FBXW12: variants seen among roughly 807,000 people sequenced by gnomAD.
FBXW12 encodes the protein F-box/WD repeat-containing protein 12.
A neutral mutation model predicts 55.3 loss-of-function variants in FBXW12; 43 were observed. That is an observed-to-expected ratio of 0.78 (90% CI 0.61 to 1.00). FBXW12 has a LOEUF of 1.00. Ranked by LOEUF, FBXW12 falls within the 50% of genes least tolerant of loss-of-function variation. FBXW12 has a pLI of 0.00. For synonymous variants in FBXW12, 184 were observed against 203.8 expected, an observed-to-expected ratio of 0.90 and a Z score of 0.83; for missense variants, 524 against 560.5, an observed-to-expected ratio of 0.93 and a Z score of 0.66.
At chr3:48,382,122 A>G (rs373876344) in intron 10 of FBXW12, 37 bp downstream of exon 10, 3 of 1,605,684 alleles carry the variant, frequency 1.9e-6, no homozygotes, top group African/African-American at 2.7e-5. Context: ...TCCCCTAAAC[A>G]ACTTTTTTTT....
chr3:48,381,663 G>T, intron 8 of FBXW12, 37 bp from the exon 9 acceptor site: 1 of 1,505,820 alleles, frequency 6.6e-7, no homozygotes, highest in South Asian at 1.4e-5. Flanking sequence ...TTCCTTATGT[G>T]TGTGTGTATA....
intron 5 of FBXW12, among the ~76,000 whole-genome samples, chr3:48,376,524 T>A (rs375361546): frequency 1.3e-5 from 2 of 152,286 alleles, no homozygotes; most frequent in African/African-American, 4.8e-5. Context: ...GTGGCTTTTG[T>A]CTAATGGTAT....
At position 48,372,881 on chromosome 3, in the gene FBXW12, GC is replaced by G. The variant is rs753712498; in HGVS notation, c.90+30del. ...AGGTAAAGGCCTTCCACCTCCCACT[GC>G]CCCCCAAGCCCGCTGCTTCTCTCGA... On this transcript the variant is annotated intron_variant, in intron 2 of 10. Coordinates refer to ENST00000296438, the MANE Select transcript of FBXW12 (RefSeq NM_207102.2). 5.6e-6 allele frequency: 9 copies of G among 1,602,766 alleles called. No homozygotes were observed. In the African/African-American group the frequency reaches 6.7e-5, roughly 12 times the overall value.
At chr3:48,383,138 A>G (rs1208962018) in intron 10 of FBXW12, among the ~76,000 whole-genome samples, 1 of 152,238 alleles carries the variant, frequency 6.6e-6, no homozygotes, top group Non-Finnish European at 1.5e-5. Context: ...TGAGGCAAAA[A>G]TACTTTAAAT....
chr3:48,381,134 C>T (rs931121524), intron 8 of FBXW12, among the ~76,000 whole-genome samples: 2 of 151,866 alleles, frequency 1.3e-5, no homozygotes, highest in African/African-American at 2.4e-5. Context: ...GACATTCTCC[C>T]GCCTCAGCCT....
chr3:48,372,825 T>C lies in FBXW12; in HGVS notation c.58T>C (p.Phe20Leu). The C allele has an allele frequency of 1.2e-6, 2 of 1,614,198 alleles. No homozygotes were observed. The highest frequency in any genetic ancestry group is 2.2e-5 in the South Asian group (2 of 91,084). The change falls in exon 2 of 11, where the codon TTC becomes CTC. Residue 20 changes from phenylalanine (F) to leucine (L), a missense_variant. Phe to Leu is a conservative substitution (Grantham distance 22). Transcript: ENST00000296438. Reference sequence around the variant, plus strand: ...GCGAATCTTCTCTTTCCTGGACCTGTTCGGCTTGCTGCAGGTTTCCCAGGT... The same window carrying C: ...GCGAATCTTCTCTTTCCTGGACCTGCTCGGCTTGCTGCAGGTTTCCCAGGT... ...LKRIFSFLDL[F>L]GLLQVSQVNK...
chr3:48,381,093 G>T (rs965417047), intron 8 of FBXW12, among the ~76,000 whole-genome samples, 181 bp downstream of exon 8: 5 of 150,264 alleles, frequency 3.3e-5, no homozygotes, highest in African/African-American at 9.8e-5. Flanking sequence ...CACAATCTCG[G>T]CTCACTGCAA....
At position 48,373,622 on chromosome 3, in the gene FBXW12, T is replaced by A. The variant is rs2036635948; in HGVS notation, c.203T>A (p.Phe68Tyr). 1.9e-6 allele frequency: 3 copies of A among 1,614,052 alleles called. No homozygotes were observed. Among genetic ancestry groups the A allele is most frequent in the Admixed American group, 1.7e-5 (1 of 60,014 alleles). The stretch of plus-strand genomic sequence containing the variant: ...CTGGGCACACACACATGGAAGCAAT[T>A]TTTCCTGCATCAAAGAAGGAAGGAG... ...QHLGTHTWKQ[F>Y]FLHQRRKELR... Residue 68 changes from phenylalanine to tyrosine, a missense_variant, in exon 4 of 11, where the codon TTT becomes TAT. Transcript: ENST00000296438.
At chr3:48,390,481 C>G (rs907475360) in intron 10 of FBXW12, among the ~76,000 whole-genome samples, 2 of 121,540 alleles carry the variant, frequency 1.6e-5, no homozygotes, top group African/African-American at 6.4e-5. Flanking sequence ...GTGGTACAAT[C>G]TTGGCTCGTT....
At chr3:48,377,699 C>T (rs954692082) in intron 5 of FBXW12, among the ~76,000 whole-genome samples, 6 of 152,106 alleles carry the variant, frequency 3.9e-5, no homozygotes, top group African/African-American at 9.7e-5. Context: ...CATTTGGGTG[C>T]GGAGAGCCAT....
intron 10 of FBXW12, among the ~76,000 whole-genome samples, chr3:48,385,948 C>A (rs567875215): frequency 2.0e-5 from 3 of 152,230 alleles, no homozygotes; most frequent in East Asian, 3.9e-4. Context: ...CAAATATTTT[C>A]TCCCATTCCA....
rs2036668171 is a variant in FBXW12 at position 48,375,388 on chromosome 3, T to C, written c.321T>C (p.Asn107=). 3.1e-6 allele frequency: 5 copies of C among 1,612,472 alleles called. No homozygotes were observed. The highest frequency in any genetic ancestry group is 4.2e-6 in the Non-Finnish European group (5 of 1,179,358). ...FETELAYLSG[N]RLTVDEQEKS... ...CGGAGTTGGCTTATCTCTCAGGAAA[T>C]AGACTTACAGTGGATGAACAGGAGA... The change falls in exon 5 of 11, where the codon AAT becomes AAC. Residue 107 remains asparagine, a synonymous_variant. Transcript: ENST00000296438.
Position 48,380,795 on chromosome 3 carries a change from A to G in FBXW12, c.868A>G (p.Thr290Ala), listed in dbSNP as rs1435380828. 2 of 1,614,096 alleles carry G rather than the reference A, an allele frequency of 1.2e-6. No homozygotes were observed. Among genetic ancestry groups the G allele is most frequent in the East Asian group, 2.2e-5 (1 of 44,882 alleles). Residue 290 changes from threonine (T) to alanine (A), a missense_variant, in exon 8 of 11, where the codon ACC (threonine) becomes GCC (alanine). Physicochemically the swap from Thr to Ala is moderately conservative, Grantham distance 58 (BLOSUM62 0). Transcript: ENST00000296438. ...TAAATTATGTGCCAGCGCCTGCTGG[A>G]CCCCAAAGGTGAAAAACAGGATAAC... Reference protein sequence around the residue: ...PHKLCASACWTPKVKNRITLM... With the variant: ...PHKLCASACWAPKVKNRITLM...
chr3:48,378,679 A>G (rs1289540330), intron 6 of FBXW12, among the ~76,000 whole-genome samples, 153 bp downstream of exon 6: 2 of 149,242 alleles, frequency 1.3e-5, no homozygotes, highest in Non-Finnish European at 3.0e-5. Context: ...CAGTGGTGCA[A>G]TCTTGGCTCA....
chr3:48,384,968 T>C (rs1403384290), intron 10 of FBXW12, among the ~76,000 whole-genome samples: 1 of 152,190 alleles, frequency 6.6e-6, no homozygotes, highest in Non-Finnish European at 1.5e-5. Context: ...CACTTACTTT[T>C]GTGGTAAAAA....
Position 48,382,102 on chromosome 3 carries a change from G to T in FBXW12, c.1295+17G>T, listed in dbSNP as rs969888486. ...AACAGACAGGTAAGCTCTGTTTTGT[G>T]ATGTAAACATCCCCTAAACAACTTT... On this transcript the variant is annotated intron_variant, in intron 10 of 10. Coordinates refer to ENST00000296438, the MANE Select transcript of FBXW12 (RefSeq NM_207102.2). 1 of 1,612,820 alleles carries T rather than the reference G, an allele frequency of 6.2e-7. No individual in the cohort carries two copies. Among genetic ancestry groups the T allele is most frequent in the Non-Finnish European group, 8.5e-7 (1 of 1,179,876 alleles).
chr3:48,374,461 G>A (rs1431013200), intron 4 of FBXW12, among the ~76,000 whole-genome samples: 1 of 151,898 alleles, frequency 6.6e-6, no homozygotes, highest in Non-Finnish European at 1.5e-5. Flanking sequence ...CTGAGTAGCT[G>A]GGATTACAGG....
intron 6 of FBXW12, 128 bp downstream of exon 6, chr3:48,378,654 G>C: frequency 1.4e-6 from 1 of 723,098 alleles, no homozygotes; most frequent in Non-Finnish European, 2.2e-6. Flanking sequence ...TCACTCTGTT[G>C]CTCAGGCTGG....
At chr3:48,388,761 A>C (rs952489157) in intron 10 of FBXW12, among the ~76,000 whole-genome samples, 2 of 152,218 alleles carry the variant, frequency 1.3e-5, no homozygotes, top group Admixed American at 6.5e-5. Context: ...ATATTTGTAT[A>C]TATTTATGGG....
Sources: gnomAD v4.1 joint callset for allele counts (sites outside exome capture counted in the v4.1 genomes callset) on GRCh38, gnomAD v4.1.1 for gene constraint, MANE v1.5 for transcripts, NCBI Gene and HGNC (gene_info 2026-07-23, HGNC 2026-07-21) for gene names.